The following SIK3 variants were observed in gnomAD, a reference collection of about 807,000 sequenced individuals.
SIK3 encodes the protein serine/threonine-protein kinase SIK3.
In SIK3, 28 loss-of-function variants were observed where a neutral mutation model predicts 144.2. The observed-to-expected ratio is 0.19, with a 90% CI of 0.14 to 0.27. SIK3 has a LOEUF of 0.27. Ranked by LOEUF, SIK3 falls within the 10% of genes least tolerant of loss-of-function variation. The pLI is 1.00. For synonymous variants in SIK3, 686 were observed against 676.3 expected (o/e 1.01, Z -0.22); for missense variants, 1,319 against 1,776.0 (o/e 0.74, Z 4.62).
At chr11:117,034,364 T>C (rs909884348) in intron 1 of SIK3, among the ~76,000 whole-genome samples, 2 of 152,226 alleles carry the variant, frequency 1.3e-5, no homozygotes, top group African/African-American at 4.8e-5. Context: ...GAAATCCTTA[T>C]ACTTCAGGCA....
chr11:116,866,570 T>C lies in SIK3; in HGVS notation c.1952+1376A>G, dbSNP rs12275661. 9.0e-3 allele frequency among the ~76,000 whole-genome samples: 1,364 copies of C among 152,100 alleles called. 18 individuals carry two copies. The highest frequency in any genetic ancestry group is 0.031 in the African/African-American group (1,283 of 41,480). ...AATTCTCCTGCCTTAGCTTCCCGAG[T>C]AGCTGGGACTACAGACGCCCACCGC... On this transcript the variant is annotated intron_variant, in intron 15 of 24. Transcript: ENST00000445177.
intron 3 of SIK3, among the ~76,000 whole-genome samples, chr11:116,931,297 C>T (rs528537289): frequency 6.6e-6 from 1 of 152,248 alleles, no homozygotes; most frequent in African/African-American, 2.4e-5. Flanking sequence ...CAATCTTACT[C>T]AGGAAGAAAA....
intron 2 of SIK3, 75 bp from the exon 3 acceptor site, chr11:116,954,182 CTCT>C: frequency 8.7e-7 from 1 of 1,144,436 alleles, no homozygotes; most frequent in Non-Finnish European, 1.3e-6. Context: ...CTAATGACTC[CTCT>C]TTTCTCATTT....
chr11:116,938,945 C>T lies in SIK3; in HGVS notation c.455-11565G>A, dbSNP rs142378603. 1.8e-3 allele frequency among the ~76,000 whole-genome samples: 273 copies of T among 152,226 alleles called. 1 individual carries two copies. The Middle Eastern group carries it at 0.02, about 11-fold the overall frequency. Reference sequence around the variant, plus strand: ...TGTTACAAAATAGAAAACCAACTTCCTTAGTCTCCACTGGAGATTGCAGAG... The same window carrying T: ...TGTTACAAAATAGAAAACCAACTTCTTTAGTCTCCACTGGAGATTGCAGAG... On this transcript the variant is annotated intron_variant, in intron 3 of 24. Coordinates refer to ENST00000445177, the MANE Select transcript of SIK3 (RefSeq NM_001366686.3).
Position 116,867,267 on chromosome 11 carries a change from T to A in SIK3, c.1952+679A>T, listed in dbSNP as rs1205625786. On this transcript the variant is annotated intron_variant, in intron 15 of 24. Transcript: ENST00000445177. The surrounding 1 kb of genome is among the most constrained non-coding windows in gnomAD (Gnocchi z 4.1). ...TAGTCATCAAGATAGTCACAGAAGA[T>A]AATCATCTTCTTCAACTAGCAAAGT... Among the ~76,000 whole-genome samples the A allele has an allele frequency of 6.6e-6, 1 of 152,208 alleles. No individual in the cohort carries two copies. The highest frequency in any genetic ancestry group is 1.5e-5 in the Non-Finnish European group (1 of 68,024).
chr11:116,982,346 T>C (rs1950170192), intron 1 of SIK3, among the ~76,000 whole-genome samples: 1 of 151,124 alleles, frequency 6.6e-6, no homozygotes, highest in East Asian at 2.0e-4. Flanking sequence ...TGGAGTGCAG[T>C]GGGGCAATCT....
rs538044204 is a variant in SIK3 at position 116,968,298 on chromosome 11, A to G, written c.274-11234T>C. Among the ~76,000 whole-genome samples the G allele has an allele frequency of 1.1e-4, 16 of 152,144 alleles. 1 individual carries two copies. In the South Asian group the frequency reaches 3.3e-3, roughly 32 times the overall value. ...GCTGGGACTACAGGCGCGCACCACC[A>G]TGCCCGGCTAATTTTTTGTATTTTT... On this transcript the variant is annotated intron_variant, in intron 1 of 24. Coordinates refer to ENST00000445177, the MANE Select transcript of SIK3 (RefSeq NM_001366686.3).
At chr11:117,077,722 T>C (rs752106169) in intron 1 of SIK3, among the ~76,000 whole-genome samples, 19 of 151,928 alleles carry the variant, frequency 1.3e-4, no homozygotes, top group Non-Finnish European at 2.5e-4. Flanking sequence ...AAAAAAAAAA[T>C]TGTAATACAA....
chr11:116,862,018 T>C (rs184038807), intron 17 of SIK3, 92 bp from the exon 18 acceptor site: 2 of 1,240,498 alleles, frequency 1.6e-6, no homozygotes, highest in South Asian at 2.6e-5. Context: ...GAAAGAACTA[T>C]CTGTGTCTCA....
chr11:116,950,362 A>T, intron 3 of SIK3: 1 of 282,964 alleles, frequency 3.5e-6, no homozygotes, highest in Non-Finnish European at 7.2e-6. Context: ...ACTAGGCACC[A>T]ACAGACCAAA....
At chr11:116,995,892 G>A (rs369780842) in intron 1 of SIK3, among the ~76,000 whole-genome samples, 3 of 152,142 alleles carry the variant, frequency 2.0e-5, no homozygotes, top group Admixed American at 6.6e-5. Flanking sequence ...GAACCTGCCT[G>A]TAGTCCCAAA....
At chr11:116,962,308 A>G (rs1462941680) in intron 1 of SIK3, among the ~76,000 whole-genome samples, 1 of 152,240 alleles carries the variant, frequency 6.6e-6, no homozygotes, top group Non-Finnish European at 1.5e-5. Context: ...CAAAGATCAC[A>G]AGGGCTCAAA....
At chr11:116,932,029 A>C (rs1002033086) in intron 3 of SIK3, among the ~76,000 whole-genome samples, 3 of 152,164 alleles carry the variant, frequency 2.0e-5, no homozygotes, top group Non-Finnish European at 4.4e-5. Context: ...CCAGGCCAAA[A>C]ACTTTTATGG....
At chr11:116,903,847 A>G (rs1945873349) in intron 4 of SIK3, among the ~76,000 whole-genome samples, 2 of 152,168 alleles carry the variant, frequency 1.3e-5, no homozygotes, top group African/African-American at 2.4e-5. Context: ...AGGCCTTCGT[A>G]AGTGCTGGGA....
At chr11:117,001,141 T>G (rs1055430231) in intron 1 of SIK3, among the ~76,000 whole-genome samples, 1 of 152,276 alleles carries the variant, frequency 6.6e-6, no homozygotes, top group East Asian at 1.9e-4. Flanking sequence ...CTCTGAGGTT[T>G]ATGTCACTTG....
At chr11:116,965,074 T>C (rs1336298124) in intron 1 of SIK3, among the ~76,000 whole-genome samples, 2 of 152,146 alleles carry the variant, frequency 1.3e-5, no homozygotes, top group Non-Finnish European at 2.9e-5. Context: ...GAAAATGGTA[T>C]ACTGTGCAAA....
chr11:116,850,037 C>G (rs1211487513), intron 21 of SIK3, among the ~76,000 whole-genome samples: 1 of 152,180 alleles, frequency 6.6e-6, no homozygotes, highest in Non-Finnish European at 1.5e-5. Flanking sequence ...CGTTTTGATG[C>G]CTCATTTTCC....
At chr11:116,987,934 A>G (rs1025155379) in intron 1 of SIK3, among the ~76,000 whole-genome samples, 1 of 152,222 alleles carries the variant, frequency 6.6e-6, no homozygotes, top group Non-Finnish European at 1.5e-5. Flanking sequence ...TGGTACAACT[A>G]GCACTAACTT....
At position 116,858,342 on chromosome 11, in the gene SIK3, T is replaced by C. The variant is rs773288437; in HGVS notation, c.3123A>G (p.Ala1041=). ...SDIRLPPTEF[A]QLIKRQQQQR... ...GTTGCTGCTGCCTTTTAATGAGCTG[T>C]GCAAACTCTGTTGGGGGCAGCCGGA... The change falls in exon 21 of 25, where the codon GCA becomes GCG. Residue 1041 remains alanine, a synonymous_variant. Transcript: ENST00000445177. The surrounding 1 kb of genome is among the most constrained non-coding windows in gnomAD (Gnocchi z 5.4). The C allele has an allele frequency of 1.9e-6, 3 of 1,613,774 alleles. No individual in the cohort carries two copies. The South Asian group carries it at 3.3e-5, about 18-fold the overall frequency.
Sources: gnomAD v4.1 joint callset for allele counts (sites outside exome capture counted in the v4.1 genomes callset) on GRCh38, gnomAD v4.1.1 for gene constraint, Gnocchi (gnomAD v3.1) non-coding constraint, MANE v1.5 for transcripts, NCBI Gene and HGNC (gene_info 2026-07-23, HGNC 2026-07-21) for gene names.